The following CSPG5 variants were observed in gnomAD, a reference collection of about 807,000 sequenced individuals.
CSPG5 encodes the protein acidic leucine-rich EGF-like domain-containing brain protein.
A neutral mutation model predicts 39.8 loss-of-function variants in CSPG5; 25 were observed. The ratio of observed to expected loss-of-function variants is 0.63; its 90% confidence interval spans 0.46 to 0.88. CSPG5 has a LOEUF of 0.88. CSPG5 is among the 40% of genes least tolerant of loss of function. CSPG5 has a pLI of 0.00. For missense variants in CSPG5, 627 were observed against 702.2 expected (o/e 0.89, Z 1.21); for synonymous variants, 295 against 303.9 (o/e 0.97, Z 0.31).
chr3:47,565,981 A>G (rs773339264), intron 4 of CSPG5, among the ~76,000 whole-genome samples: 20 of 152,200 alleles, frequency 1.3e-4, no homozygotes, highest in Non-Finnish European at 2.4e-4. Context: ...CCTAAGGCCC[A>G]CCAGCTACAG....
intron 4 of CSPG5, among the ~76,000 whole-genome samples, chr3:47,563,032 G>A (rs1020889785): frequency 1.3e-5 from 2 of 152,158 alleles, no homozygotes; most frequent in Non-Finnish European, 2.9e-5. Flanking sequence ...TTTTCTCTTG[G>A]ACAGAGATTG....
At chr3:47,573,666 G>A (rs1409000322) in intron 2 of CSPG5, among the ~76,000 whole-genome samples, 1 of 152,198 alleles carries the variant, frequency 6.6e-6, no homozygotes, top group Non-Finnish European at 1.5e-5. Context: ...GAAGGATACA[G>A]AGGCAGGCAA....
chr3:47,565,376 C>T (rs1461078711), intron 4 of CSPG5, among the ~76,000 whole-genome samples: 2 of 152,328 alleles, frequency 1.3e-5, no homozygotes, highest in East Asian at 3.9e-4. Flanking sequence ...CAGGTGTTTG[C>T]TCCAGAACTT....
intron 3 of CSPG5, among the ~76,000 whole-genome samples, chr3:47,571,148 A>T (rs1016550562): frequency 6.6e-6 from 1 of 152,062 alleles, no homozygotes; most frequent in African/African-American, 2.4e-5. Context: ...AATTTCAGAG[A>T]TGTTAATATG....
chr3:47,578,327 GCCCCGGCCCCGC>G lies in CSPG5; in HGVS notation c.97+258_97+269del, dbSNP rs1339355827. Among the ~76,000 whole-genome samples the G allele has an allele frequency of 1.4e-3, 56 of 39,160 alleles. No homozygotes were observed. The highest frequency in any genetic ancestry group is 8.0e-3 in the South Asian group (11 of 1,372). The allele number at this position is 39,160 out of a possible 152,430, so 25.7% of individuals were successfully genotyped here. Reference sequence around the variant, plus strand: ...CACCCTCAGGCCCCGCCCCGGCCCCGCCCCGGCCCCGCCCCCGGCCCCGCCCCCAGTCCGCAC... The same window carrying G: ...CACCCTCAGGCCCCGCCCCGGCCCCGCCCCGGCCCCGCCCCCAGTCCGCAC... On this transcript the variant is annotated intron_variant, in intron 1 of 4. Coordinates refer to ENST00000264723, the MANE Select transcript of CSPG5 (RefSeq NM_006574.4). This position sits in a 1 kb window ranked among gnomAD's most constrained non-coding sequence, Gnocchi z 6.0.
Position 47,562,764 on chromosome 3 carries a change from G to A in CSPG5, c.1459-3C>T, listed in dbSNP as rs898945824. 24 of 1,605,140 alleles carry A rather than the reference G, an allele frequency of 1.5e-5. No homozygotes were observed. Among genetic ancestry groups the A allele is most frequent in the Non-Finnish European group, 2.0e-5 (24 of 1,175,536 alleles). ...TTGTGGGGAGCACTAGGATCATCCTGGAAGAGGGAAAAAGTTGGGGGGGGG... is the reference window on the plus strand; with the variant it reads ...TTGTGGGGAGCACTAGGATCATCCTAGAAGAGGGAAAAAGTTGGGGGGGGG... On this transcript the variant is annotated splice_region_variant and splice_polypyrimidine_tract_variant and intron_variant, in intron 4 of 4. Coordinates refer to ENST00000264723, the MANE Select transcript of CSPG5 (RefSeq NM_006574.4).
intron 4 of CSPG5, among the ~76,000 whole-genome samples, chr3:47,564,917 A>G (rs778440718): frequency 2.6e-5 from 4 of 152,122 alleles, no homozygotes; most frequent in Non-Finnish European, 5.9e-5. Flanking sequence ...GAGCTGAGCT[A>G]TAAGTATCTT....
rs1020574023 is a variant in CSPG5, at chr3:47,578,332, G to T, written c.97+265C>A. On this transcript the variant is annotated intron_variant, in intron 1 of 4. Transcript: ENST00000264723. The surrounding 1 kb of genome is among the most constrained non-coding windows in gnomAD (Gnocchi z 6.0). ...TCAGGCCCCGCCCCGGCCCCGCCCC[G>T]GCCCCGCCCCCGGCCCCGCCCCCAG... 1.1e-4 allele frequency among the ~76,000 whole-genome samples: 2 copies of T among 18,238 alleles called. No homozygotes were observed. Among genetic ancestry groups the T allele is most frequent in the African/African-American group, 4.4e-4 (2 of 4,524 alleles). The allele number at this position is 18,238 out of a possible 152,430, so 12.0% of individuals were successfully genotyped here. A position where few individuals can be genotyped will look rare whatever the true frequency, so the allele number is the denominator to read the frequency against.
Position 47,572,943 on chromosome 3 carries a change from C to T in CSPG5, c.1194-69G>A. ...CCACGGCCACAGTAAGGGCCTGGGC[C>T]CTGACCCCAACACCTATCTCCACAG... On this transcript the variant is annotated intron_variant, in intron 2 of 4. Transcript: ENST00000264723. This position sits in a 1 kb window ranked among gnomAD's most constrained non-coding sequence, Gnocchi z 4.5. 1 of 1,388,622 alleles carries T rather than the reference C, an allele frequency of 7.2e-7. No homozygotes were observed. Among genetic ancestry groups the T allele is most frequent in the African/African-American group, 1.4e-5 (1 of 69,550 alleles). The allele number at this position is 1,388,622 out of a possible 1,614,324, so 86.0% of individuals were successfully genotyped here. A position where few individuals can be genotyped will look rare whatever the true frequency, so the allele number is the denominator to read the frequency against.
Position 47,578,038 on chromosome 3 carries a change from C to A in CSPG5, c.98-110G>T. 7.6e-7 allele frequency: 1 copy of A among 1,321,196 alleles called. No homozygotes were observed. The highest frequency in any genetic ancestry group is 9.6e-7 in the Non-Finnish European group (1 of 1,040,436). 81.8% of individuals were successfully genotyped at this position (1,321,196 alleles called of 1,614,324 possible). On this transcript the variant is annotated intron_variant, in intron 1 of 4. Coordinates refer to ENST00000264723, the MANE Select transcript of CSPG5 (RefSeq NM_006574.4). The surrounding 1 kb of genome is among the most constrained non-coding windows in gnomAD (Gnocchi z 6.0). ...TCGCCTAGACCTGGTCAACCCAGAC[C>A]TCGCCACCCTCAGACCCCACCGCCC... is the stretch of plus-strand genomic sequence containing the variant.
rs2031121863 is a variant in CSPG5 at position 47,562,549 on chromosome 3, C to T, written c.*51G>A. 6.6e-7 allele frequency: 1 copy of T among 1,513,246 alleles called. No individual in the cohort carries two copies. Among genetic ancestry groups the T allele is most frequent in the African/African-American group, 1.4e-5 (1 of 72,524 alleles). 93.7% of individuals were successfully genotyped at this position (1,513,246 alleles called of 1,614,324 possible). A position where few individuals can be genotyped will look rare whatever the true frequency, so the allele number is the denominator to read the frequency against. ...CTCTGTACAAGAGGAGATAATGTTT[C>T]TTCCCCTACCCCCCACCCACTACCC... On this transcript the variant is annotated 3_prime_UTR_variant, in exon 5 of 5. Coordinates refer to ENST00000264723, the MANE Select transcript of CSPG5 (RefSeq NM_006574.4).
In CSPG5 at chr3:47,578,064, C is replaced by T; in HGVS notation, c.98-136G>A. On this transcript the variant is annotated intron_variant, in intron 1 of 4. Coordinates refer to ENST00000264723, the MANE Select transcript of CSPG5 (RefSeq NM_006574.4). The surrounding 1 kb of genome is among the most constrained non-coding windows in gnomAD (Gnocchi z 6.0). The stretch of plus-strand genomic sequence containing the variant: ...TCGCCACCCTCAGACCCCACCGCCC[C>T]AGTGTGACCCCAGCCACCCGGTACC... The T allele has an allele frequency of 8.0e-7, 1 of 1,257,544 alleles. No homozygotes were observed. Among genetic ancestry groups the T allele is most frequent in the Admixed American group, 4.1e-5 (1 of 24,124 alleles). 77.9% of individuals were successfully genotyped at this position (1,257,544 alleles called of 1,614,324 possible).
intron 3 of CSPG5, among the ~76,000 whole-genome samples, chr3:47,569,435 C>A (rs951209584): frequency 6.6e-6 from 1 of 151,586 alleles, no homozygotes; most frequent in African/African-American, 2.4e-5. Flanking sequence ...GAAACCCCGT[C>A]TCTACTAAAA....
Position 47,572,557 on chromosome 3 carries a change from A to C in CSPG5, c.1382+129T>G. 1 of 776,562 alleles carries C rather than the reference A, an allele frequency of 1.3e-6. No individual in the cohort carries two copies. 48.1% of individuals were successfully genotyped at this position (776,562 alleles called of 1,614,324 possible). ...AGTGAATTTTTAGCACAGACAAAAC[A>C]GCTGGGAATGGAGCACAGGTGCCAG... On this transcript the variant is annotated intron_variant, in intron 3 of 4. Coordinates refer to ENST00000264723, the MANE Select transcript of CSPG5 (RefSeq NM_006574.4). This position sits in a 1 kb window ranked among gnomAD's most constrained non-coding sequence, Gnocchi z 4.5.
upstream of CSPG5, chr3:47,579,071 C>T (rs542497968): frequency 2.6e-3 from 406 of 157,354 alleles, 6 homozygotes; most frequent in Middle Eastern, 0.029. This position sits in a 1 kb window ranked among gnomAD's most constrained non-coding sequence, Gnocchi z 4.2. Context: ...AGGCGCACGG[C>T]GCGGCGCGCG....
At chr3:47,574,032 G>A (rs2031617080) in intron 2 of CSPG5, among the ~76,000 whole-genome samples, 5 of 152,178 alleles carry the variant, frequency 3.3e-5, no homozygotes, top group Admixed American at 3.3e-4. Context: ...TGCAAAAATA[G>A]TTTTCAAGCC....
intron 4 of CSPG5, among the ~76,000 whole-genome samples, chr3:47,568,653 T>C (rs964100243): frequency 6.6e-6 from 1 of 152,126 alleles, no homozygotes; most frequent in African/African-American, 2.4e-5. Context: ...TTCTCCTTGA[T>C]ATGGAAAATA....
intron 2 of CSPG5, among the ~76,000 whole-genome samples, chr3:47,575,350 C>T (rs1236864177): frequency 6.6e-6 from 1 of 152,178 alleles, no homozygotes; most frequent in Non-Finnish European, 1.5e-5. Flanking sequence ...GGGCTCTCCT[C>T]CATTTCTACA....
At chr3:47,569,089 A>G (rs1464793091) in intron 4 of CSPG5, 63 bp downstream of exon 4, 1 of 1,549,194 alleles carries the variant, frequency 6.5e-7, no homozygotes, top group East Asian at 2.3e-5. Context: ...TAACGTTATC[A>G]TAGTGAGCCA....
Sources: allele counts gnomAD v4.1 joint callset (sites outside exome capture counted in the v4.1 genomes callset), GRCh38; gene constraint gnomAD v4.1.1; non-coding constraint Gnocchi (gnomAD v3.1); transcripts MANE v1.5; gene names NCBI Gene and HGNC (gene_info 2026-07-23, HGNC 2026-07-21).